STPG2: variants seen among roughly 807,000 people sequenced by gnomAD.
The protein encoded by STPG2 is sperm-tail PG-rich repeat-containing protein 2.
A neutral mutation model predicts 54.2 loss-of-function variants in STPG2; 56 were observed. That is an observed-to-expected ratio of 1.03 (90% confidence interval 0.83 to 1.29). STPG2 has a LOEUF of 1.29. Ranked by LOEUF, STPG2 falls within the 50% of genes most tolerant of loss-of-function variation. The probability of loss-of-function intolerance (pLI) is 0.00; values close to 1 mark genes in which losing one functional copy is unlikely to be tolerated. For synonymous variants in STPG2, 200 were observed against 181.8 expected, an observed-to-expected ratio of 1.10 and a Z score of -0.81; for missense variants, 596 against 544.9, an observed-to-expected ratio of 1.09 and a Z score of -0.93.
rs568103737 is a variant in STPG2 at position 97,738,355 on chromosome 4, A to T, written c.1205-25541T>A. ...TAAAATGACAGGATCAAATTCACAC[A>T]TAACAATATTAACTTTAAACGTAAA... On this transcript the variant is annotated intron_variant, in intron 9 of 10. Coordinates refer to ENST00000295268, the MANE Select transcript of STPG2 (RefSeq NM_174952.3). Among the ~76,000 whole-genome samples, 15 of 152,328 alleles carry T rather than the reference A, an allele frequency of 9.8e-5. No homozygotes were observed. The South Asian group carries it at 3.1e-3, about 32-fold the overall frequency.
intron 10 of STPG2, among the ~76,000 whole-genome samples, chr4:97,710,197 A>T (rs1162288307): frequency 2.6e-5 from 4 of 152,008 alleles, no homozygotes; most frequent in African/African-American, 9.7e-5. Flanking sequence ...TAATCCAATA[A>T]ATATCAATAA....
intron 10 of STPG2, among the ~76,000 whole-genome samples, chr4:97,589,331 A>G (rs1733078856): frequency 6.6e-6 from 1 of 152,044 alleles, no homozygotes; most frequent in African/African-American, 2.4e-5. Flanking sequence ...AAGCCATTAT[A>G]TAGTAGGGAA....
intron 5 of STPG2, among the ~76,000 whole-genome samples, chr4:98,103,644 A>AAAAAC (rs1560680658): frequency 1.3e-5 from 2 of 148,980 alleles, no homozygotes; most frequent in African/African-American, 5.0e-5. Flanking sequence ...TCCATCTCAA[A>AAAAAC]AAAATAAAAT....
At chr4:97,799,317 G>C (rs1400062758) in intron 9 of STPG2, among the ~76,000 whole-genome samples, 1 of 152,172 alleles carries the variant, frequency 6.6e-6, no homozygotes, top group Non-Finnish European at 1.5e-5. Context: ...GCAGTGGCTG[G>C]TACAAGTTGT....
At chr4:97,462,894 C>A (rs1729698713) in intron 4 of STPG2, among the ~76,000 whole-genome samples, 1 of 152,076 alleles carries the variant, frequency 6.6e-6, no homozygotes, top group South Asian at 2.1e-4. Context: ...GTGGTTATAA[C>A]TGGCATTCCT....
intron 8 of STPG2, among the ~76,000 whole-genome samples, chr4:97,860,272 T>C (rs150631173): frequency 1.9e-3 from 295 of 152,248 alleles, no homozygotes; most frequent in African/African-American, 7.0e-3. Context: ...AGAATCATGA[T>C]GGTACTTTTA....
At chr4:97,659,771 G>A (rs1037568157) in intron 10 of STPG2, among the ~76,000 whole-genome samples, 1 of 152,152 alleles carries the variant, frequency 6.6e-6, no homozygotes, top group African/African-American at 2.4e-5. Context: ...TAAATAGTAA[G>A]TGGCCAAGAA....
chr4:97,909,650 T>C (rs1028490117), intron 8 of STPG2, among the ~76,000 whole-genome samples: 2 of 152,124 alleles, frequency 1.3e-5, no homozygotes, highest in Non-Finnish European at 2.9e-5. Flanking sequence ...TAAATTTGCA[T>C]TTAAAAAGTA....
intron 8 of STPG2, among the ~76,000 whole-genome samples, chr4:97,875,810 A>T (rs564850686): frequency 1.3e-5 from 2 of 152,018 alleles, no homozygotes; most frequent in Admixed American, 1.3e-4. Flanking sequence ...CTATTTTCCA[A>T]CATTATCTTC....
At chr4:97,782,785 A>T (rs1008619930) in intron 9 of STPG2, among the ~76,000 whole-genome samples, 7 of 152,254 alleles carry the variant, frequency 4.6e-5, no homozygotes, top group Middle Eastern at 3.4e-3. Context: ...ACACATCTAC[A>T]ACCATCTGAT....
At chr4:97,973,521 T>G (rs546124970) in intron 6 of STPG2, among the ~76,000 whole-genome samples, 1 of 152,348 alleles carries the variant, frequency 6.6e-6, no homozygotes, top group East Asian at 1.9e-4. Flanking sequence ...GAAATTTGCA[T>G]AAGTAATGAG....
intron 9 of STPG2, among the ~76,000 whole-genome samples, chr4:97,789,194 T>C (rs1020323642): frequency 2.6e-5 from 4 of 152,070 alleles, no homozygotes; most frequent in African/African-American, 4.8e-5. Flanking sequence ...CATAGGATAG[T>C]TGGGGAAATT....
intron 4 of STPG2, among the ~76,000 whole-genome samples, chr4:97,503,715 G>A (rs1430309210): frequency 6.7e-6 from 1 of 149,210 alleles, no homozygotes; most frequent in Non-Finnish European, 1.5e-5. Context: ...TCCACTACAT[G>A]GAAATAACAG....
intron 4 of STPG2, among the ~76,000 whole-genome samples, chr4:97,539,981 G>A (rs1731652896): frequency 6.6e-6 from 1 of 152,170 alleles, no homozygotes; most frequent in African/African-American, 2.4e-5. Context: ...AAAGCAGTGT[G>A]TAGAGGGAAA....
intron 9 of STPG2, among the ~76,000 whole-genome samples, chr4:97,791,568 A>G (rs1726991807): frequency 6.6e-6 from 1 of 152,128 alleles, no homozygotes; most frequent in Admixed American, 6.6e-5. Flanking sequence ...TCAAGCTGAT[A>G]AGTTTTCCTT....
At position 98,103,224 on chromosome 4, in the gene STPG2, CTT is replaced by C. The variant is rs565168800; in HGVS notation, c.612+2727_612+2728del. 1.4e-3 allele frequency among the ~76,000 whole-genome samples: 218 copies of C among 152,188 alleles called. 1 individual carries two copies. Among genetic ancestry groups the C allele is most frequent in the African/African-American group, 5.1e-3 (211 of 41,542 alleles). ...ATAAAAGTCACCCATAATTTCACCACTTTGAGTTAAACAGTATAAATATTTTA... is the reference window on the plus strand; with the variant it reads ...ATAAAAGTCACCCATAATTTCACCACTGAGTTAAACAGTATAAATATTTTA... On this transcript the variant is annotated intron_variant, in intron 5 of 10. Coordinates refer to ENST00000295268, the MANE Select transcript of STPG2 (RefSeq NM_174952.3).
intron 9 of STPG2, among the ~76,000 whole-genome samples, chr4:97,774,376 A>G (rs1050907765): frequency 7.9e-5 from 12 of 152,180 alleles, no homozygotes; most frequent in African/African-American, 2.9e-4. Context: ...TTTATGGCCC[A>G]GTGAACCATT....
At chr4:97,802,362 T>G (rs1338896566) in intron 9 of STPG2, among the ~76,000 whole-genome samples, 3 of 152,222 alleles carry the variant, frequency 2.0e-5, no homozygotes, top group Non-Finnish European at 2.9e-5. Context: ...ATGTCAGAAG[T>G]ACTCCATTCT....
At chr4:97,938,196 T>C (rs552797333) in intron 8 of STPG2, among the ~76,000 whole-genome samples, 53 of 152,206 alleles carry the variant, frequency 3.5e-4, no homozygotes, top group African/African-American at 1.2e-3. Flanking sequence ...TGCTGCGCTG[T>C]GGGGAATATC....
Sources: gnomAD v4.1 joint callset for allele counts (sites outside exome capture counted in the v4.1 genomes callset) on GRCh38, gnomAD v4.1.1 for gene constraint, MANE v1.5 for transcripts, NCBI Gene and HGNC (gene_info 2026-07-23, HGNC 2026-07-21) for gene names.